The following CNDP1 variants were observed in gnomAD, a reference collection of about 807,000 sequenced individuals.
CNDP1 encodes beta-Ala-His dipeptidase.
Under a neutral mutation model 58.1 loss-of-function variants are expected in CNDP1, and 44 were observed. The observed-to-expected ratio is 0.76, with a 90% CI of 0.60 to 0.97. The LOEUF is 0.97. Among genes scored for constraint, CNDP1 ranks in the 50% least tolerant of loss-of-function variants. CNDP1 has a pLI of 0.00. For synonymous variants in CNDP1, 254 were observed against 252.6 expected (o/e 1.01, Z -0.05); for missense variants, 616 against 655.1 (o/e 0.94, Z 0.65).
At chr18:74,560,009 T>TC (rs1199989212) in intron 3 of CNDP1, among the ~76,000 whole-genome samples, 9 of 94,870 alleles carry the variant, frequency 9.5e-5, no homozygotes, top group Non-Finnish European at 1.9e-4. Flanking sequence ...TCATCTGCAT[T>TC]CTTTTTTTTT....
intron 1 of CNDP1, among the ~76,000 whole-genome samples, chr18:74,550,734 G>A (rs539752946): frequency 3.7e-4 from 52 of 139,044 alleles, no homozygotes; most frequent in Middle Eastern, 3.6e-3. Flanking sequence ...CTGCCACCAC[G>A]CCCGACTATT....
intron 2 of CNDP1, 131 bp downstream of exon 2, chr18:74,556,597 T>C: frequency 9.9e-7 from 1 of 1,010,228 alleles, no homozygotes; most frequent in Non-Finnish European, 1.5e-6. Flanking sequence ...CTATGACTGC[T>C]CATTGGGTTA....
At chr18:74,550,221 T>C (rs1182272006) in intron 1 of CNDP1, among the ~76,000 whole-genome samples, 2 of 152,168 alleles carry the variant, frequency 1.3e-5, no homozygotes, top group Non-Finnish European at 2.9e-5. Flanking sequence ...GGAAAAGCCA[T>C]AGCGGTGGAG....
chr18:74,587,119 G>A lies in CNDP1; in HGVS notation c.*2557G>A, dbSNP rs1003336060. 1 of 152,216 alleles carries A rather than the reference G, an allele frequency of 6.6e-6. No individual in the cohort carries two copies. Among genetic ancestry groups the A allele is most frequent in the Non-Finnish European group, 1.5e-5 (1 of 68,048 alleles). The allele number at this position is 152,216 out of a possible 1,614,324, so 9.4% of individuals were successfully genotyped here. On this transcript the variant is annotated 3_prime_UTR_variant, in exon 12 of 12. Transcript: ENST00000358821. The stretch of plus-strand genomic sequence containing the variant: ...AGTTTAGGGGTTAGGAATATCATTT[G>A]AGTTTGGTAGATGCTTTTCTGGAAA...
At chr18:74,559,537 G>A in intron 3 of CNDP1, 65 bp downstream of exon 3, 1 of 1,501,954 alleles carries the variant, frequency 6.7e-7, no homozygotes, top group South Asian at 1.2e-5. Flanking sequence ...GCCTTCCCGG[G>A]GGTGGCAAGG....
chr18:74,560,662 C>T (rs9955580), intron 3 of CNDP1, among the ~76,000 whole-genome samples, 194 bp from the exon 4 acceptor site: 5,206 of 151,344 alleles, frequency 0.034, 308 homozygotes, highest in African/African-American at 0.12. Flanking sequence ...CCAGCCTGGG[C>T]GACAGGAGTG....
At chr18:74,571,105 TA>T (rs2144665318) in intron 6 of CNDP1, 80 bp from the exon 7 acceptor site, 2 of 886,758 alleles carry the variant, frequency 2.3e-6, no homozygotes, top group Non-Finnish European at 3.8e-6. Flanking sequence ...CACACGCAGA[TA>T]TGTATTTCAC....
intron 10 of CNDP1, among the ~76,000 whole-genome samples, chr18:74,581,684 G>A (rs1395567723): frequency 6.6e-6 from 1 of 152,170 alleles, no homozygotes; most frequent in Non-Finnish European, 1.5e-5. Context: ...GTGCTGGGCT[G>A]AGCAGAGGGC....
In CNDP1 at chr18:74,549,507, CT is replaced by C. The variant is rs1168276358; in HGVS notation, c.25-6820del. On this transcript the variant is annotated intron_variant, in intron 1 of 11. Transcript: ENST00000358821. The stretch of plus-strand genomic sequence containing the variant: ...AAATGAGCACTGGCAGTGAGCTGCA[CT>C]TTTTTTTTTTCTAAATGGGAAAAAG... Among the ~76,000 whole-genome samples the C allele has an allele frequency of 7.0e-3, 1,031 of 146,784 alleles. 15 individuals carry two copies. Among genetic ancestry groups the C allele is most frequent in the African/African-American group, 0.024 (968 of 40,174 alleles).
At chr18:74,575,238 A>G (rs1422772709) in intron 7 of CNDP1, among the ~76,000 whole-genome samples, 1 of 152,210 alleles carries the variant, frequency 6.6e-6, no homozygotes, top group Non-Finnish European at 1.5e-5. Context: ...GCTGCTTTGT[A>G]TACTGAGAGA....
At chr18:74,552,571 A>G (rs1486956899) in intron 1 of CNDP1, among the ~76,000 whole-genome samples, 1 of 152,230 alleles carries the variant, frequency 6.6e-6, no homozygotes, top group Non-Finnish European at 1.5e-5. Context: ...GTTTGTCTAC[A>G]CTGTAGCATG....
At chr18:74,577,072 C>T (rs562419241) in intron 8 of CNDP1, 43 bp downstream of exon 8, 1 of 1,539,274 alleles carries the variant, frequency 6.5e-7, no homozygotes, top group Admixed American at 1.9e-5. Context: ...AGGCATGAGG[C>T]TAGTATATCA....
intron 1 of CNDP1, among the ~76,000 whole-genome samples, chr18:74,537,857 C>A (rs763416738): frequency 1.3e-5 from 2 of 152,190 alleles, no homozygotes; most frequent in Non-Finnish European, 2.9e-5. Flanking sequence ...CCACATAAAG[C>A]GGCATTCTTG....
At chr18:74,540,492 C>A (rs1599084256) in intron 1 of CNDP1, among the ~76,000 whole-genome samples, 1 of 152,140 alleles carries the variant, frequency 6.6e-6, no homozygotes, top group East Asian at 1.9e-4. Context: ...ACCTTGAGTG[C>A]CTGGAATGGG....
intron 1 of CNDP1, among the ~76,000 whole-genome samples, chr18:74,549,851 A>G (rs969304900): frequency 2.4e-4 from 37 of 152,186 alleles, no homozygotes; most frequent in African/African-American, 8.0e-4. Context: ...TTGTGGCTCA[A>G]AGGGCCCCAG....
chr18:74,535,131 CA>C (rs1338252105), intron 1 of CNDP1, among the ~76,000 whole-genome samples: 1 of 152,222 alleles, frequency 6.6e-6, no homozygotes, highest in East Asian at 1.9e-4. Context: ...CGGGCTAAAT[CA>C]CCCCAGGCCT....
chr18:74,585,214 T>C lies in CNDP1; in HGVS notation c.*652T>C, dbSNP rs1371979521. ...GAGTATTTTTTTTTTTATTCCAAGC[T>C]TCTTTACCTTTCCTGAGATCGATGC... On this transcript the variant is annotated 3_prime_UTR_variant, in exon 12 of 12. Transcript: ENST00000358821. 1 of 152,200 alleles carries C rather than the reference T, an allele frequency of 6.6e-6. No individual in the cohort carries two copies. Among genetic ancestry groups the C allele is most frequent in the East Asian group, 1.9e-4 (1 of 5,190 alleles). The allele number at this position is 152,200 out of a possible 1,614,324, so 9.4% of individuals were successfully genotyped here. A position where few individuals can be genotyped will look rare whatever the true frequency, so the allele number is the denominator to read the frequency against.
chr18:74,556,220 T>G, intron 1 of CNDP1, 118 bp from the exon 2 acceptor site: 1 of 1,113,370 alleles, frequency 9.0e-7, no homozygotes, highest in Non-Finnish European at 1.3e-6. Context: ...GTTATTTTAT[T>G]CCGACTGACT....
intron 7 of CNDP1, among the ~76,000 whole-genome samples, chr18:74,572,138 G>A (rs1042032952): frequency 6.6e-6 from 1 of 152,032 alleles, no homozygotes; most frequent in Non-Finnish European, 1.5e-5. Context: ...GTGGCACAGC[G>A]ACGCCGACGA....
Sources: gnomAD v4.1 joint callset for allele counts (sites outside exome capture counted in the v4.1 genomes callset) on GRCh38, gnomAD v4.1.1 for gene constraint, MANE v1.5 for transcripts, NCBI Gene and HGNC (gene_info 2026-07-23, HGNC 2026-07-21) for gene names.